The following PBX3 variants were observed in gnomAD, a reference collection of about 807,000 sequenced individuals.
PBX3 encodes the protein pre-B-cell leukemia transcription factor 3.
A neutral mutation model predicts 48.5 loss-of-function variants in PBX3; 14 were observed. The observed-to-expected ratio is 0.29, with a 90% CI of 0.19 to 0.45. The LOEUF is 0.45. Ranked by LOEUF, PBX3 falls within the 20% of genes least tolerant of loss-of-function variation. The pLI is 1.00. For synonymous variants in PBX3, 210 were observed against 200.3 expected, an observed-to-expected ratio of 1.05 and a Z score of -0.41; for missense variants, 386 against 546.7, an observed-to-expected ratio of 0.71 and a Z score of 2.93.
chr9:125,882,559 A>G (rs1840407242), intron 2 of PBX3, among the ~76,000 whole-genome samples: 2 of 152,244 alleles, frequency 1.3e-5, no homozygotes, highest in Admixed American at 6.5e-5. Context: ...CTCTCTTATC[A>G]CTACAGAAAT....
chr9:125,771,101 G>A (rs1171867228), intron 2 of PBX3, among the ~76,000 whole-genome samples: 1 of 152,202 alleles, frequency 6.6e-6, no homozygotes, highest in African/African-American at 2.4e-5. Flanking sequence ...CTTTAATCAT[G>A]ATTTATGAAG....
rs560604703 is a variant in PBX3, at chr9:125,919,114, T to C, written c.516+3187T>C. 5.3e-5 allele frequency among the ~76,000 whole-genome samples: 8 copies of C among 152,224 alleles called. No individual in the cohort carries two copies. The South Asian group carries it at 1.7e-3, about 31-fold the overall frequency. On this transcript the variant is annotated intron_variant, in intron 3 of 8. Coordinates refer to ENST00000373489, the MANE Select transcript of PBX3 (RefSeq NM_006195.6). Reference sequence around the variant, plus strand: ...TCATTGAATTGTGCTGGTACCCATGTAGAACTGGAAAATAATTCAGGTACG... The same window carrying C: ...TCATTGAATTGTGCTGGTACCCATGCAGAACTGGAAAATAATTCAGGTACG...
At chr9:125,915,126 A>G (rs1841295649) in intron 2 of PBX3, among the ~76,000 whole-genome samples, 2 of 152,264 alleles carry the variant, frequency 1.3e-5, no homozygotes, top group Non-Finnish European at 2.9e-5. Context: ...CAGTTACCTC[A>G]TAATGTGTGT....
chr9:125,806,174 A>G (rs1838119937), intron 2 of PBX3, among the ~76,000 whole-genome samples: 2 of 152,154 alleles, frequency 1.3e-5, no homozygotes, highest in Admixed American at 6.5e-5. Flanking sequence ...ATAGGCATGC[A>G]TATATCCAGG....
At chr9:125,797,377 A>G (rs942720143) in intron 2 of PBX3, 3 of 152,098 alleles carry the variant, frequency 2.0e-5, no homozygotes, top group Non-Finnish European at 2.9e-5. Flanking sequence ...CACTCATTGA[A>G]CTTACTTTAC....
At chr9:125,768,428 C>G (rs766997923) in intron 2 of PBX3, among the ~76,000 whole-genome samples, 1 of 152,044 alleles carries the variant, frequency 6.6e-6, no homozygotes, top group Non-Finnish European at 1.5e-5. Context: ...ATTGTATGAA[C>G]AATCGAAACA....
intron 2 of PBX3, among the ~76,000 whole-genome samples, chr9:125,842,119 T>C (rs1839304836): frequency 6.6e-6 from 1 of 152,180 alleles, no homozygotes; most frequent in Admixed American, 6.5e-5. Flanking sequence ...TGCCTTCCGA[T>C]GATGAAGTAA....
At chr9:125,773,201 A>G (rs753971296) in intron 2 of PBX3, among the ~76,000 whole-genome samples, 2 of 152,146 alleles carry the variant, frequency 1.3e-5, no homozygotes, top group Non-Finnish European at 2.9e-5. Flanking sequence ...TGTATTTGTA[A>G]TGGGGTAATA....
intron 2 of PBX3, among the ~76,000 whole-genome samples, chr9:125,837,036 G>A (rs1356204860): frequency 6.6e-6 from 1 of 152,142 alleles, no homozygotes; most frequent in Admixed American, 6.6e-5. Flanking sequence ...TTGGCATTTA[G>A]CCTTCATACA....
chr9:125,927,934 A>G (rs1009549917), intron 3 of PBX3, among the ~76,000 whole-genome samples: 2 of 152,158 alleles, frequency 1.3e-5, no homozygotes, highest in Admixed American at 6.6e-5. Context: ...TAATCCTAGC[A>G]CTTCGGGAGG....
intron 2 of PBX3, among the ~76,000 whole-genome samples, chr9:125,904,009 T>C (rs761145435): frequency 2.0e-5 from 3 of 151,844 alleles, no homozygotes; most frequent in Non-Finnish European, 2.9e-5. Context: ...TTAATACAGG[T>C]AAAGTACTTT....
At chr9:125,890,215 T>G (rs1250640577) in intron 2 of PBX3, among the ~76,000 whole-genome samples, 1 of 152,122 alleles carries the variant, frequency 6.6e-6, no homozygotes, top group African/African-American at 2.4e-5. Flanking sequence ...CATGTGAACA[T>G]TTTCAACAGA....
intron 2 of PBX3, among the ~76,000 whole-genome samples, chr9:125,832,901 A>C (rs1169694130): frequency 6.6e-6 from 1 of 151,920 alleles, no homozygotes; most frequent in Non-Finnish European, 1.5e-5. Context: ...ATTCCTTGTC[A>C]CCTGCTTTTG....
At chr9:125,869,548 A>G (rs1286507185) in intron 2 of PBX3, among the ~76,000 whole-genome samples, 2 of 152,240 alleles carry the variant, frequency 1.3e-5, no homozygotes, top group Non-Finnish European at 2.9e-5. Context: ...ATGAATAAAC[A>G]GACAGCTAAC....
At chr9:125,848,307 G>A (rs560838679) in intron 2 of PBX3, among the ~76,000 whole-genome samples, 1 of 151,926 alleles carries the variant, frequency 6.6e-6, no homozygotes, top group African/African-American at 2.4e-5. Context: ...CCACATTTTA[G>A]TTTTTAATCT....
At chr9:125,935,250 T>A (rs1045436062) in intron 4 of PBX3, among the ~76,000 whole-genome samples, 15 of 152,244 alleles carry the variant, frequency 9.9e-5, no homozygotes, top group Admixed American at 9.8e-4. Flanking sequence ...AATAGTCTGC[T>A]TCATAGTCTG....
intron 2 of PBX3, among the ~76,000 whole-genome samples, chr9:125,804,674 C>G (rs529592946): frequency 6.6e-6 from 1 of 152,094 alleles, no homozygotes; most frequent in Middle Eastern, 3.2e-3. Flanking sequence ...CGTGGTGGCT[C>G]ATGCCTGTAA....
intron 2 of PBX3, among the ~76,000 whole-genome samples, chr9:125,794,599 C>G (rs1046940445): frequency 6.7e-6 from 1 of 150,166 alleles, no homozygotes; most frequent in African/African-American, 2.5e-5. Flanking sequence ...ATTCTGAGAA[C>G]AAAATAACAA....
At chr9:125,855,660 G>A (rs1327979115) in intron 2 of PBX3, among the ~76,000 whole-genome samples, 1 of 152,044 alleles carries the variant, frequency 6.6e-6, no homozygotes, top group African/African-American at 2.4e-5. Flanking sequence ...TTGTGATTTT[G>A]CTTTCATTCT....
Sources: gnomAD v4.1 joint callset for allele counts (sites outside exome capture counted in the v4.1 genomes callset) on GRCh38, gnomAD v4.1.1 for gene constraint, MANE v1.5 for transcripts, NCBI Gene and HGNC (gene_info 2026-07-23, HGNC 2026-07-21) for gene names.